Variants in HUNK observed in about 807,000 individuals in gnomAD.
HUNK encodes hormonally up-regulated Neu-associated kinase.
In HUNK, 21 loss-of-function variants were observed where a neutral mutation model predicts 61.0. That is an observed-to-expected ratio of 0.34 (90% CI 0.24 to 0.50). The LOEUF (loss-of-function observed/expected upper bound fraction) is 0.50. Ranked by LOEUF, HUNK falls within the 20% of genes least tolerant of loss-of-function variation. The probability of loss-of-function intolerance (pLI) is 0.98; values close to 1 mark genes in which losing one functional copy is unlikely to be tolerated. For missense variants in HUNK, 772 were observed against 945.7 expected (o/e 0.82, Z 2.41); for synonymous variants, 371 against 386.1 (o/e 0.96, Z 0.46).
Position 31,909,948 on chromosome 21 carries a change from G to A in HUNK, c.262-14520G>A, listed in dbSNP as rs73361262. ...CGGAATTCAGGCTTGGGCTGGAGCCGGGAGCCGGGAGCCCTCAGGCCCTTG... is the reference window on the plus strand; with the variant it reads ...CGGAATTCAGGCTTGGGCTGGAGCCAGGAGCCGGGAGCCCTCAGGCCCTTG... On this transcript the variant is annotated intron_variant, in intron 1 of 10. Transcript: ENST00000270112. Among the ~76,000 whole-genome samples, 1,168 of 152,258 alleles carry A rather than the reference G, an allele frequency of 7.7e-3. 17 individuals carry two copies. The highest frequency in any genetic ancestry group is 0.027 in the African/African-American group (1,120 of 41,534).
At chr21:31,952,003 T>C (rs556916449) in intron 4 of HUNK, among the ~76,000 whole-genome samples, 1 of 145,358 alleles carries the variant, frequency 6.9e-6, no homozygotes, top group South Asian at 2.3e-4. Context: ...GCTTCTGAGA[T>C]TATTCAGTTA....
intron 6 of HUNK, among the ~76,000 whole-genome samples, chr21:31,973,572 A>ATGG (rs1009984740): frequency 5.0e-5 from 7 of 140,330 alleles, no homozygotes; most frequent in East Asian, 4.2e-4. Context: ...GATGATGGTG[A>ATGG]TGGTGGTGGT....
At chr21:31,991,785 C>T (rs1401228911) in intron 9 of HUNK, among the ~76,000 whole-genome samples, 1 of 152,202 alleles carries the variant, frequency 6.6e-6, no homozygotes, top group Non-Finnish European at 1.5e-5. Flanking sequence ...TACCTCAGCT[C>T]CCAGGGCTCC....
At chr21:31,998,379 C>T (rs903899293) in intron 10 of HUNK, 147 bp from the exon 11 acceptor site, 1 of 736,812 alleles carries the variant, frequency 1.4e-6, no homozygotes, top group Non-Finnish European at 2.2e-6. Context: ...GTGACTTTTG[C>T]AAAGTAGCCA....
chr21:31,890,650 C>G (rs2052381046), intron 1 of HUNK, among the ~76,000 whole-genome samples: 1 of 152,156 alleles, frequency 6.6e-6, no homozygotes, highest in Non-Finnish European at 1.5e-5. Context: ...AAAATTTTCC[C>G]TGGATACATG....
intron 2 of HUNK, among the ~76,000 whole-genome samples, chr21:31,939,399 G>GTTTTTT (rs398036365): frequency 1.5e-5 from 1 of 66,732 alleles, no homozygotes; most frequent in African/African-American, 7.1e-5. Context: ...GCTTTCATGT[G>GTTTTTT]TTTTTTTTTT....
chr21:31,873,968 CA>C lies in HUNK; in HGVS notation c.261+34del. ...TCCCGGGCGCCGTGGGGCTGGGGCA[CA>C]GGGGCGGGAGTCGGCGGCCAGGACC... On this transcript the variant is annotated intron_variant, in intron 1 of 10. Transcript: ENST00000270112. The surrounding 1 kb of genome is among the most constrained non-coding windows in gnomAD (Gnocchi z 6.1). The C allele has an allele frequency of 7.0e-7, 1 of 1,435,334 alleles. No homozygotes were observed. Among genetic ancestry groups the C allele is most frequent in the Non-Finnish European group, 9.2e-7 (1 of 1,089,272 alleles). The allele number at this position is 1,435,334 out of a possible 1,614,324, so 88.9% of individuals were successfully genotyped here.
intron 4 of HUNK, among the ~76,000 whole-genome samples, chr21:31,947,017 C>G (rs1053429184): frequency 6.6e-6 from 1 of 152,100 alleles, no homozygotes; most frequent in Admixed American, 6.5e-5. Flanking sequence ...TCCCACATCC[C>G]ATTCTCAAGC....
At chr21:31,981,780 A>G (rs975019644) in intron 7 of HUNK, among the ~76,000 whole-genome samples, 1 of 152,208 alleles carries the variant, frequency 6.6e-6, no homozygotes, top group Non-Finnish European at 1.5e-5. Context: ...TTTTCTATAT[A>G]TAAGATCGTG....
At chr21:31,886,654 C>T (rs990481569) in intron 1 of HUNK, among the ~76,000 whole-genome samples, 11 of 150,444 alleles carry the variant, frequency 7.3e-5, no homozygotes, top group African/African-American at 2.7e-4. Context: ...AGAGAATATG[C>T]TCAGAAAATA....
intron 5 of HUNK, among the ~76,000 whole-genome samples, chr21:31,963,694 G>T (rs888208794): frequency 3.3e-5 from 5 of 152,044 alleles, no homozygotes; most frequent in Non-Finnish European, 7.4e-5. Flanking sequence ...ATTTTTTATA[G>T]AGAGAGGGTC....
chr21:31,909,886 G>C (rs1027613245), intron 1 of HUNK, among the ~76,000 whole-genome samples: 3 of 152,150 alleles, frequency 2.0e-5, no homozygotes, highest in Non-Finnish European at 1.5e-5. Context: ...CTCCCCACTG[G>C]GTCATGCTAA....
At chr21:31,922,672 C>A (rs1359834023) in intron 1 of HUNK, among the ~76,000 whole-genome samples, 1 of 152,200 alleles carries the variant, frequency 6.6e-6, no homozygotes, top group Admixed American at 6.5e-5. Flanking sequence ...TAAGCCTGGT[C>A]ACCATGCTGT....
At chr21:31,906,032 T>C (rs975401580) in intron 1 of HUNK, among the ~76,000 whole-genome samples, 1 of 152,198 alleles carries the variant, frequency 6.6e-6, no homozygotes, top group Non-Finnish European at 1.5e-5. Flanking sequence ...CCCCTGGGTT[T>C]TTGCACTGCT....
At position 31,921,154 on chromosome 21, in the gene HUNK, CAAAAAAAAAAAAA is replaced by C. The variant is rs751938845; in HGVS notation, c.262-3298_262-3286del. ...TGGGCCACAGAGCGAGATTCCATCT[CAAAAAAAAAAAAA>C]AAAAAAAAAAAAAAAGAAGGAGACA... On this transcript the variant is annotated intron_variant, in intron 1 of 10. Coordinates refer to ENST00000270112, the MANE Select transcript of HUNK (RefSeq NM_014586.2). Among the ~76,000 whole-genome samples the C allele has an allele frequency of 1.0e-4, 4 of 39,372 alleles. No homozygotes were observed. In the Admixed American group the frequency reaches 1.4e-3, roughly 14 times the overall value. 25.8% of individuals were successfully genotyped at this position (39,372 alleles called of 152,430 possible).
chr21:31,929,445 T>G (rs2052682572), intron 2 of HUNK, among the ~76,000 whole-genome samples: 1 of 152,116 alleles, frequency 6.6e-6, no homozygotes, highest in Non-Finnish European at 1.5e-5. Context: ...ATATAACGAG[T>G]TGTTTTTCCT....
At chr21:31,974,791 A>G (rs1011887139) in intron 7 of HUNK, 74 bp downstream of exon 7, 6 of 1,366,638 alleles carry the variant, frequency 4.4e-6, no homozygotes, top group Admixed American at 2.4e-5. Flanking sequence ...AGTGCTTCTC[A>G]GTTGCTGACA....
Position 31,873,887 on chromosome 21 carries a change from C to T in HUNK, c.213C>T (p.Gly71=). ...TCGGCAGCAGGAAGCTGGGCGAGGG[C>T]TCCTTTGCCAAGGTGCGCGAGGGGC... The part of the protein sequence containing the change: ...YLIGSRKLGE[G]SFAKVREGLH... The change falls in exon 1 of 11, where the codon GGC becomes GGT. Residue 71 remains glycine, a synonymous_variant. Transcript: ENST00000270112. The surrounding 1 kb of genome is among the most constrained non-coding windows in gnomAD (Gnocchi z 6.1). The T allele has an allele frequency of 6.3e-7, 1 of 1,586,876 alleles. No individual in the cohort carries two copies. Among genetic ancestry groups the T allele is most frequent in the Admixed American group, 1.7e-5 (1 of 57,694 alleles).
In HUNK at chr21:31,971,232, C is replaced by T. The variant is rs578056502; in HGVS notation, c.1010+2847C>T. 9.2e-5 allele frequency among the ~76,000 whole-genome samples: 14 copies of T among 152,024 alleles called. No individual in the cohort carries two copies. The South Asian group carries it at 2.5e-3, about 27-fold the overall frequency. ...TAGCTGGGATTAGTGCCACCACGCC[C>T]GGCTAGTTTTTGTATTTTTAGTAGA... On this transcript the variant is annotated intron_variant, in intron 6 of 10. Transcript: ENST00000270112.
Sources: allele counts gnomAD v4.1 joint callset (sites outside exome capture counted in the v4.1 genomes callset), GRCh38; gene constraint gnomAD v4.1.1; non-coding constraint Gnocchi (gnomAD v3.1); transcripts MANE v1.5; gene names NCBI Gene and HGNC (gene_info 2026-07-23, HGNC 2026-07-21).